MICU1: variants seen among roughly 807,000 people sequenced by gnomAD.
MICU1 encodes calcium uptake protein 1, mitochondrial.
In MICU1, 45 loss-of-function variants were observed where a neutral mutation model predicts 56.8. That is an observed-to-expected ratio of 0.79 (90% CI 0.62 to 1.02). The LOEUF is 1.02. Ranked by LOEUF, MICU1 falls within the 50% of genes least tolerant of loss-of-function variation. MICU1 has a pLI of 0.00. For synonymous variants in MICU1, 186 were observed against 195.1 expected (o/e 0.95, Z 0.39); for missense variants, 504 against 587.1 (o/e 0.86, Z 1.46).
intron 1 of MICU1, among the ~76,000 whole-genome samples, chr10:72,585,054 C>G (rs1478887018): frequency 4.6e-5 from 7 of 151,334 alleles, no homozygotes; most frequent in Non-Finnish European, 1.0e-4. Flanking sequence ...TTTTACTCTC[C>G]ACCTCTCTCA....
At chr10:72,608,953 T>C (rs937297191) in intron 1 of MICU1, among the ~76,000 whole-genome samples, 3 of 152,220 alleles carry the variant, frequency 2.0e-5, no homozygotes, top group Non-Finnish European at 4.4e-5. Flanking sequence ...GAATCCATGC[T>C]GGTTCTGAGG....
chr10:72,457,744 A>G (rs1471276443), intron 8 of MICU1, among the ~76,000 whole-genome samples: 2 of 152,096 alleles, frequency 1.3e-5, no homozygotes, highest in Non-Finnish European at 2.9e-5. Context: ...AGAGACAGAG[A>G]GAGAGATAGT....
chr10:72,572,828 G>A (rs1340619087), intron 1 of MICU1, among the ~76,000 whole-genome samples: 2 of 152,118 alleles, frequency 1.3e-5, no homozygotes, highest in African/African-American at 4.8e-5. Context: ...TGACAATGTT[G>A]CAGAATGGCA....
intron 5 of MICU1, among the ~76,000 whole-genome samples, chr10:72,528,173 A>C (rs1868019466): frequency 6.6e-6 from 1 of 152,212 alleles, no homozygotes; most frequent in African/African-American, 2.4e-5. Context: ...ACAACCAATG[A>C]GTGAAAATGA....
intron 3 of MICU1, among the ~76,000 whole-genome samples, chr10:72,557,938 G>A (rs16929990): frequency 0.037 from 5,628 of 152,066 alleles, 328 homozygotes; most frequent in African/African-American, 0.13. Flanking sequence ...TTTAATATTC[G>A]TGTTTTCCTA....
chr10:72,495,296 T>C (rs1866800514), intron 6 of MICU1, among the ~76,000 whole-genome samples: 2 of 152,072 alleles, frequency 1.3e-5, no homozygotes, highest in Admixed American at 1.3e-4. Flanking sequence ...TTCCATACCA[T>C]GTGCTCAATA....
rs1589259801 is a variant in MICU1 at position 72,477,636 on chromosome 10, A to G, written c.653-380T>C. ...AGAAAGTATGTCTAGGGTGAGACAT[A>G]TTGCTGCAAAGTAAGAAGTTGAAAC... On this transcript the variant is annotated intron_variant, in intron 6 of 11. Transcript: ENST00000361114. 1.1e-5 allele frequency: 13 copies of G among 1,198,974 alleles called. No individual in the cohort carries two copies. The East Asian group carries it at 3.3e-4, about 31-fold the overall frequency. 74.3% of individuals were successfully genotyped at this position (1,198,974 alleles called of 1,614,324 possible).
Position 72,487,133 on chromosome 10 carries a change from C to T in MICU1, c.653-9877G>A, listed in dbSNP as rs753508134. The stretch of plus-strand genomic sequence containing the variant: ...AAACTTGTTTTAGGAAGGGATGAGA[C>T]GATGTTGAAGATGAAGCCCACAGTG... On this transcript the variant is annotated intron_variant, in intron 6 of 11. Transcript: ENST00000361114. 7.9e-5 allele frequency among the ~76,000 whole-genome samples: 12 copies of T among 152,146 alleles called. No homozygotes were observed. The East Asian group carries it at 9.7e-4, about 12-fold the overall frequency.
chr10:72,369,628 C>A (rs896920738), intron 11 of MICU1, among the ~76,000 whole-genome samples: 2 of 151,758 alleles, frequency 1.3e-5, no homozygotes, highest in African/African-American at 2.4e-5. Context: ...CCCATTTTCT[C>A]ATGGTTTCCT....
chr10:72,616,010 C>CAAAAAAA (rs1019998017), intron 1 of MICU1, among the ~76,000 whole-genome samples: 1 of 150,410 alleles, frequency 6.6e-6, no homozygotes, highest in South Asian at 2.1e-4. Context: ...AAACAAAAAA[C>CAAAAAAA]AAAAAAAAAC....
chr10:72,493,694 C>T (rs578257963), intron 6 of MICU1, among the ~76,000 whole-genome samples: 3 of 152,210 alleles, frequency 2.0e-5, no homozygotes, highest in South Asian at 2.1e-4. Context: ...TGGGCTCAAG[C>T]GTTCTGCCCG....
At chr10:72,454,253 G>C (rs952431904) in intron 8 of MICU1, among the ~76,000 whole-genome samples, 1 of 151,650 alleles carries the variant, frequency 6.6e-6, no homozygotes, top group East Asian at 2.0e-4. Context: ...TCAGGAGTTC[G>C]AGACCAGCCT....
At chr10:72,603,805 A>AAAAAC (rs778355200) in intron 1 of MICU1, among the ~76,000 whole-genome samples, 8 of 152,212 alleles carry the variant, frequency 5.3e-5, no homozygotes, top group Non-Finnish European at 8.8e-5. Context: ...ACTCTGTCTC[A>AAAAAC]AAAACAAAAC....
intron 10 of MICU1, among the ~76,000 whole-genome samples, chr10:72,376,955 C>T (rs1285815809): frequency 2.0e-5 from 3 of 151,854 alleles, no homozygotes; most frequent in South Asian, 2.1e-4. Context: ...GGTGTGAGTA[C>T]ACTAAGGCTT....
chr10:72,622,123 C>T (rs1362973037), intron 1 of MICU1, among the ~76,000 whole-genome samples: 2 of 151,830 alleles, frequency 1.3e-5, no homozygotes, highest in Non-Finnish European at 2.9e-5. Flanking sequence ...CGGGGTTTCA[C>T]CATGTTAGCC....
At chr10:72,418,227 T>C (rs889102334) in intron 9 of MICU1, among the ~76,000 whole-genome samples, 7 of 152,130 alleles carry the variant, frequency 4.6e-5, no homozygotes, top group Admixed American at 1.3e-4. Context: ...AGCCAAACCA[T>C]ATCACCCTTT....
At chr10:72,615,715 C>T (rs1036756234) in intron 1 of MICU1, among the ~76,000 whole-genome samples, 13 of 151,988 alleles carry the variant, frequency 8.6e-5, no homozygotes, top group Admixed American at 5.3e-4. Flanking sequence ...TGGCCAGGCG[C>T]GGTGGCTCAT....
At chr10:72,403,375 T>A (rs1339765389) in intron 10 of MICU1, among the ~76,000 whole-genome samples, 1 of 152,036 alleles carries the variant, frequency 6.6e-6, no homozygotes, top group African/African-American at 2.4e-5. Flanking sequence ...AATTTTTTTT[T>A]AATTTGAATT....
intron 10 of MICU1, among the ~76,000 whole-genome samples, chr10:72,382,895 C>T (rs1477641874): frequency 2.0e-5 from 3 of 152,192 alleles, no homozygotes; most frequent in East Asian, 1.9e-4. Flanking sequence ...GGCGACAGAG[C>T]AAGCCTCCGT....
Sources: allele counts gnomAD v4.1 joint callset (sites outside exome capture counted in the v4.1 genomes callset), GRCh38; gene constraint gnomAD v4.1.1; transcripts MANE v1.5; gene names NCBI Gene and HGNC (gene_info 2026-07-23, HGNC 2026-07-21).